The following SV2A variants were observed in gnomAD, a reference collection of about 807,000 sequenced individuals.
SV2A encodes the protein solute carrier family 22 member B1.
SV2A carries 25 observed loss-of-function variants against 78.0 expected under a neutral mutation model. That is an observed-to-expected ratio of 0.32 (90% CI 0.23 to 0.45). The LOEUF (loss-of-function observed/expected upper bound fraction) is 0.45, where lower values mean the gene tolerates loss of function less well. Among genes scored for constraint, SV2A ranks in the 20% least tolerant of loss-of-function variants. The probability of loss-of-function intolerance (pLI) is 1.00; values close to 1 mark genes in which losing one functional copy is unlikely to be tolerated. For missense variants in SV2A, 752 were observed against 971.5 expected (o/e 0.77, Z 3.00); for synonymous variants, 355 against 384.7 (o/e 0.92, Z 0.90).
Position 149,913,892 on chromosome 1 carries a change from C to T in SV2A, c.-52G>A, listed in dbSNP as rs782369699. 19 of 1,539,060 alleles carry T rather than the reference C, an allele frequency of 1.2e-5. No homozygotes were observed. The highest frequency in any genetic ancestry group is 1.6e-5 in the Non-Finnish European group (18 of 1,145,656). On this transcript the variant is annotated 5_prime_UTR_variant, in exon 2 of 13. Coordinates refer to ENST00000369146, the MANE Select transcript of SV2A (RefSeq NM_014849.5). The stretch of plus-strand genomic sequence containing the variant: ...TCTTCTCCACCTCCTGCTTCTTTTT[C>T]AGCTTTTTGCTCAAGGACTTGTAGA...
intron 12 of SV2A, 28 bp from the exon 13 acceptor site, chr1:149,905,225 G>A (rs781903724): frequency 1.1e-5 from 18 of 1,586,502 alleles, no homozygotes; most frequent in East Asian, 1.1e-4. Flanking sequence ...AGTGCAGCAC[G>A]GCGCAAGGTA....
Position 149,903,990 on chromosome 1 carries a change from C to A in SV2A, c.*1024G>T. ...TTGATCTGCTGGTTTGACCAGATGC[C>A]TGGTTTCTTTCCCTCCCCTGCTCCC... On this transcript the variant is annotated 3_prime_UTR_variant, in exon 13 of 13. Coordinates refer to ENST00000369146, the MANE Select transcript of SV2A (RefSeq NM_014849.5). The A allele has an allele frequency of 6.5e-6, 1 of 152,914 alleles. No individual in the cohort carries two copies. The highest frequency in any genetic ancestry group is 1.5e-5 in the Non-Finnish European group (1 of 68,156). The allele number at this position is 152,914 out of a possible 1,614,324, so 9.5% of individuals were successfully genotyped here.
chr1:149,907,914 G>T lies in SV2A; in HGVS notation c.1545-81C>A. 2.5e-6 allele frequency: 4 copies of T among 1,576,784 alleles called. No individual in the cohort carries two copies. The South Asian group carries it at 4.7e-5, about 18-fold the overall frequency. ...GACTCACTCTTTAGCGAAGTAATGG[G>T]AAGCTGGGCATTGAGAAGAAACCAC... On this transcript the variant is annotated intron_variant, in intron 9 of 12. Coordinates refer to ENST00000369146, the MANE Select transcript of SV2A (RefSeq NM_014849.5).
rs370045303 is a variant in SV2A at position 149,908,156 on chromosome 1, G to A, written c.1430C>T (p.Ala477Val). 3.1e-6 allele frequency: 5 copies of A among 1,614,064 alleles called. No homozygotes were observed. The African/African-American group carries it at 5.3e-5, about 17-fold the overall frequency. ...TTTGGTGCGGGATGCGTAGTCCACT[G>A]CCTGGAGATGGCGGATCATGTCAGG... Reference protein sequence around the residue: ...WFPDMIRHLQAVDYASRTKVF... With the variant: ...WFPDMIRHLQVVDYASRTKVF... The change falls in exon 9 of 13, where the codon GCA becomes GTA. Residue 477 changes from alanine (A) to valine (V), a missense_variant. Physicochemically the swap from Ala to Val is moderately conservative, Grantham distance 64. Transcript: ENST00000369146.
In SV2A at chr1:149,910,645, G is replaced by A. The variant is rs148163632; in HGVS notation, c.1014C>T (p.Leu338=). ...CAAACACAGAAGGAAAGGCGCAGAC[G>A]AGGACGAAGACCCTCCAGCTGTGGA... ...YQFHSWRVFV[L]VCAFPSVFAI... is the part of the protein sequence containing the mutation. Residue 338 remains leucine (L), a synonymous_variant, in exon 5 of 13, where the codon CTC becomes CTT. Coordinates refer to ENST00000369146, the MANE Select transcript of SV2A (RefSeq NM_014849.5). This position sits in a 1 kb window ranked among gnomAD's most constrained non-coding sequence, Gnocchi z 4.2. 3.8e-5 allele frequency: 62 copies of A among 1,613,750 alleles called. No homozygotes were observed. The African/African-American group carries it at 6.0e-4, about 16-fold the overall frequency.
At position 149,905,445 on chromosome 1, in the gene SV2A, AT is replaced by A. The variant is rs200201216; in HGVS notation, c.2046-249del. On this transcript the variant is annotated intron_variant, in intron 12 of 12. Transcript: ENST00000369146. ...GAGGAGTAGATACAAAAGCTACCAG[AT>A]TTTTTTTTCCTTTTTTTTTTTTTTT... 226 of 389,362 alleles carry A rather than the reference AT, an allele frequency of 5.8e-4. 1 individual carries two copies. Among genetic ancestry groups the A allele is most frequent in the East Asian group, 5.6e-3 (132 of 23,568 alleles). 24.1% of individuals were successfully genotyped at this position (389,362 alleles called of 1,614,324 possible). A position where few individuals can be genotyped will look rare whatever the true frequency, so the allele number is the denominator to read the frequency against.
chr1:149,912,192 T>G (rs1366810151), intron 2 of SV2A, among the ~76,000 whole-genome samples: 32 of 152,146 alleles, frequency 2.1e-4, no homozygotes, highest in Non-Finnish European at 2.9e-5. Context: ...AATGAAGATA[T>G]GGGAGAACCT....
Position 149,909,860 on chromosome 1 carries a change from G to A in SV2A, c.1120C>T (p.Leu374=). Residue 374 remains leucine (L), a synonymous_variant, in exon 6 of 13, where the codon CTG becomes TTG. Coordinates refer to ENST00000369146, the MANE Select transcript of SV2A (RefSeq NM_014849.5). The stretch of plus-strand genomic sequence containing the variant: ...ATGTTGGTATCATGGACCTGCTTCA[G>A]CACCATCCAGGCCTCATCATGCTTT... ...NGKHDEAWMV[L]KQVHDTNMRA... is the part of the protein sequence containing the mutation. The A allele has an allele frequency of 1.9e-6, 3 of 1,614,058 alleles. No individual in the cohort carries two copies. Among genetic ancestry groups the A allele is most frequent in the Non-Finnish European group, 2.5e-6 (3 of 1,180,010 alleles).
chr1:149,915,036 G>A (rs185154617), intron 1 of SV2A, among the ~76,000 whole-genome samples: 1 of 152,138 alleles, frequency 6.6e-6, no homozygotes, highest in South Asian at 2.1e-4. Context: ...TCAGGGCAAA[G>A]CACATGACTG....
At position 149,909,817 on chromosome 1, in the gene SV2A, G is replaced by A. The variant is rs1553763434; in HGVS notation, c.1163C>T (p.Pro388Leu). 1 of 1,613,978 alleles carries A rather than the reference G, an allele frequency of 6.2e-7. No individual in the cohort carries two copies. The highest frequency in any genetic ancestry group is 1.1e-5 in the South Asian group (1 of 91,076). Residue 388 changes from proline to leucine, a missense_variant, in exon 6 of 13, where the codon CCT becomes CTT. Pro to Leu is a moderately conservative substitution (Grantham distance 98, BLOSUM62 -3). Transcript: ENST00000369146. ...HDTNMRAKGH[P>L]ERVFSVTHIK... ...GTGGCTTACTGAGAACACTCGCTCA[G>A]GATGTCCTTTGGCTCGCATGTTGGT... is the stretch of plus-strand genomic sequence containing the variant.
At chr1:149,909,604 ACTCTGTGTTT>A in intron 6 of SV2A, 33 bp from the exon 7 acceptor site, 1 of 1,591,846 alleles carries the variant, frequency 6.3e-7, no homozygotes, top group Non-Finnish European at 8.6e-7. Flanking sequence ...GCAGTCACAC[ACTCTGTGTTT>A]CCCAACATCG....
chr1:149,915,703 G>A (rs1047293250), intron 1 of SV2A, among the ~76,000 whole-genome samples: 17 of 152,194 alleles, frequency 1.1e-4, no homozygotes, highest in Admixed American at 2.6e-4. Context: ...ACCGCATTGC[G>A]TAGGAGGCGG....
At position 149,903,383 on chromosome 1, in the gene SV2A, T is replaced by C. The variant is rs908929878; in HGVS notation, c.*1631A>G. Reference sequence around the variant, plus strand: ...AATATTTTTCACTGCATTTTTCACATCAACAGAGTTGGGTTTAGGGTTCCC... The same window carrying C: ...AATATTTTTCACTGCATTTTTCACACCAACAGAGTTGGGTTTAGGGTTCCC... On this transcript the variant is annotated 3_prime_UTR_variant, in exon 13 of 13. Transcript: ENST00000369146. The C allele has an allele frequency of 6.6e-6, 1 of 152,262 alleles. No individual in the cohort carries two copies. Among genetic ancestry groups the C allele is most frequent in the Admixed American group, 6.5e-5 (1 of 15,280 alleles). The allele number at this position is 152,262 out of a possible 1,614,324, so 9.4% of individuals were successfully genotyped here.
At chr1:149,906,592 C>T in intron 11 of SV2A, 58 bp downstream of exon 11, 1 of 1,575,506 alleles carries the variant, frequency 6.3e-7, no homozygotes, top group Non-Finnish European at 8.7e-7. Context: ...AGCCTGTTGA[C>T]TGCCTCCCGC....
At position 149,905,077 on chromosome 1, in the gene SV2A, G is replaced by A. The variant is rs975680097; in HGVS notation, c.2166C>T (p.Ala722=). 6.2e-7 allele frequency: 1 copy of A among 1,613,388 alleles called. No individual in the cohort carries two copies. Among genetic ancestry groups the A allele is most frequent in the Non-Finnish European group, 8.5e-7 (1 of 1,179,768 alleles). ...GGGCCAGAGAGCTGCCAAGGGCAAGGGCAGCTGAGGCAAAGAGGATGGGTG... is the reference window on the plus strand; with the variant it reads ...GGGCCAGAGAGCTGCCAAGGGCAAGAGCAGCTGAGGCAAAGAGGATGGGTG... ...KAAPILFASA[A]LALGSSLALK... The change falls in exon 13 of 13, where the codon GCC becomes GCT. Residue 722 remains alanine (A), a synonymous_variant. Transcript: ENST00000369146.
chr1:149,917,283 G>GCCCCCCCCC (rs587740146), intron 1 of SV2A, among the ~76,000 whole-genome samples: 2 of 149,732 alleles, frequency 1.3e-5, no homozygotes, highest in Admixed American at 6.6e-5. Context: ...TTCTTCCCCT[G>GCCCCCCCCC]CCCCCCACCC....
chr1:149,906,743 A>G lies in SV2A; in HGVS notation c.1792T>C (p.Tyr598His). The G allele has an allele frequency of 1.2e-6, 2 of 1,614,242 alleles. No homozygotes were observed. The highest frequency in any genetic ancestry group is 1.7e-6 in the Non-Finnish European group (2 of 1,180,046). ...TGTGEGAYMV[Y>H]FVSFLGTLAV... ...AGTGTCCCCAGGAAGCTCACAAAGT[A>G]TACCATGTAGGCACCTTCGCCCGTC... The change falls in exon 11 of 13, where the codon TAC (tyrosine) becomes CAC (histidine). Residue 598 changes from tyrosine (Y) to histidine (H), a missense_variant. By Grantham distance (83) the Tyr-to-His change is moderately conservative (BLOSUM62 2). Transcript: ENST00000369146.
At chr1:149,909,352 C>T (rs781979829) in intron 7 of SV2A, 72 bp from the exon 8 acceptor site, 12 of 1,562,068 alleles carry the variant, frequency 7.7e-6, no homozygotes, top group South Asian at 2.2e-5. Flanking sequence ...CACTTTTCTG[C>T]CCTCCCACCT....
At chr1:149,905,457 T>C in intron 12 of SV2A, 5 of 154,960 alleles carry the variant, frequency 3.2e-5, no homozygotes, top group East Asian at 1.6e-4. Flanking sequence ...TTTTTTTTCC[T>C]TTTTTTTTTT....
Sources: gnomAD v4.1 joint callset for allele counts (sites outside exome capture counted in the v4.1 genomes callset) on GRCh38, gnomAD v4.1.1 for gene constraint, Gnocchi (gnomAD v3.1) non-coding constraint, MANE v1.5 for transcripts, NCBI Gene and HGNC (gene_info 2026-07-23, HGNC 2026-07-21) for gene names.